The following CSMD1 variants were observed in gnomAD, a reference collection of about 807,000 sequenced individuals.
The protein encoded by CSMD1 is CUB and Sushi multiple domains 1, also known as CUB and sushi domain-containing protein 1.
CSMD1 carries 213 observed loss-of-function variants against 417.5 expected under a neutral mutation model. The ratio of observed to expected loss-of-function variants is 0.51; its 90% CI spans 0.46 to 0.57. CSMD1 has a LOEUF of 0.57. CSMD1 is among the 20% of genes least tolerant of loss of function. CSMD1 has a pLI of 0.00. For missense variants in CSMD1, 6,923 were observed against 4,529.7 expected (o/e 1.53, Z -15.17); for synonymous variants, 2,862 against 1,736.8 (o/e 1.65, Z -16.11).
chr8:3,505,460 G>A (rs764198088), intron 10 of CSMD1, among the ~76,000 whole-genome samples: 3 of 152,116 alleles, frequency 2.0e-5, no homozygotes, highest in African/African-American at 4.8e-5. Flanking sequence ...ACACTTTCAC[G>A]ACTGATTAAA....
intron 3 of CSMD1, among the ~76,000 whole-genome samples, chr8:4,041,923 A>G (rs1324830929): frequency 6.6e-6 from 1 of 152,204 alleles, no homozygotes; most frequent in Non-Finnish European, 1.5e-5. Context: ...AACATTAATG[A>G]ACATGTAGAG....
chr8:4,190,650 G>C (rs1452335665), intron 3 of CSMD1, among the ~76,000 whole-genome samples: 1 of 151,770 alleles, frequency 6.6e-6, no homozygotes, highest in Non-Finnish European at 1.5e-5. Context: ...GTTGTAATGA[G>C]ACTGAAATCT....
chr8:4,468,498 G>A (rs996007009), intron 2 of CSMD1, among the ~76,000 whole-genome samples: 2 of 152,150 alleles, frequency 1.3e-5, no homozygotes, highest in Admixed American at 6.5e-5. Context: ...CTTATCCTCT[G>A]AACATGTACT....
chr8:4,696,843 G>C (rs1807165398), intron 1 of CSMD1, among the ~76,000 whole-genome samples: 1 of 152,182 alleles, frequency 6.6e-6, no homozygotes, highest in Admixed American at 6.5e-5. Context: ...CAAAATGTAA[G>C]TAGTGACAGA....
chr8:4,270,886 C>T (rs904184046), intron 3 of CSMD1, among the ~76,000 whole-genome samples: 1 of 152,152 alleles, frequency 6.6e-6, no homozygotes, highest in Non-Finnish European at 1.5e-5. Flanking sequence ...GACCTCATTC[C>T]TTCAACAAAC....
At chr8:4,504,263 G>T (rs1802408026) in intron 2 of CSMD1, among the ~76,000 whole-genome samples, 1 of 152,168 alleles carries the variant, frequency 6.6e-6, no homozygotes, top group South Asian at 2.1e-4. Flanking sequence ...CATTTCCATG[G>T]GGAATCTACA....
At chr8:3,102,540 GTTGA>G (rs1815831621) in intron 46 of CSMD1, among the ~76,000 whole-genome samples, 1 of 152,174 alleles carries the variant, frequency 6.6e-6, no homozygotes, top group Non-Finnish European at 1.5e-5. Context: ...CTCATGTTGT[GTTGA>G]TTTAGACATG....
chr8:4,136,717 C>G (rs1803459057), intron 3 of CSMD1, among the ~76,000 whole-genome samples: 2 of 152,148 alleles, frequency 1.3e-5, no homozygotes, highest in African/African-American at 4.8e-5. Flanking sequence ...TCTTATGTAG[C>G]CATCAAGCCA....
In CSMD1 at chr8:3,575,000, T is replaced by G. The variant is rs780824214; in HGVS notation, c.1289A>C (p.Gln430Pro). 6.2e-7 allele frequency: 1 copy of G among 1,613,402 alleles called. No homozygotes were observed. Among genetic ancestry groups the G allele is most frequent in the Admixed American group, 1.7e-5 (1 of 60,024 alleles). Residue 430 changes from glutamine to proline, a missense_variant, in exon 10 of 70, where the codon CAG (glutamine) becomes CCG (proline). Coordinates refer to ENST00000635120, the MANE Select transcript of CSMD1 (RefSeq NM_033225.6). Reference protein sequence around the residue: ...GVITSPNYPVQYEDNAHCVWV... With the variant: ...GVITSPNYPVPYEDNAHCVWV... Reference sequence around the variant, plus strand: ...CACACAGTGTGCATTATCTTCATACTGAACCGGATAATTAGGGGAGGTAAT... The same window carrying G: ...CACACAGTGTGCATTATCTTCATACGGAACCGGATAATTAGGGGAGGTAAT...
intron 6 of CSMD1, among the ~76,000 whole-genome samples, chr8:3,741,718 G>A (rs539421825): frequency 5.3e-5 from 8 of 152,114 alleles, no homozygotes; most frequent in East Asian, 2.0e-4. Flanking sequence ...CTCTGAGTGC[G>A]CATTCTTACT....
At chr8:3,799,749 C>G (rs922740) in intron 5 of CSMD1, among the ~76,000 whole-genome samples, 1 of 151,646 alleles carries the variant, frequency 6.6e-6, no homozygotes, top group Non-Finnish European at 1.5e-5. Context: ...ATAAGCTGTA[C>G]AAAACTTTAC....
chr8:4,751,113 A>T (rs1462794587), intron 1 of CSMD1, among the ~76,000 whole-genome samples: 1 of 152,178 alleles, frequency 6.6e-6, no homozygotes, highest in Non-Finnish European at 1.5e-5. Context: ...GCCTGGGAGC[A>T]GTGGCTCAGG....
chr8:3,320,212 C>G (rs1398784373), intron 23 of CSMD1, among the ~76,000 whole-genome samples: 1 of 152,100 alleles, frequency 6.6e-6, no homozygotes, highest in African/African-American at 2.4e-5. Flanking sequence ...CAGTGGGGCC[C>G]GTGGCCCTGG....
chr8:3,450,708 CT>C (rs1815649768), intron 12 of CSMD1, among the ~76,000 whole-genome samples: 1 of 152,064 alleles, frequency 6.6e-6, no homozygotes, highest in African/African-American at 2.4e-5. Context: ...TTAATCCAGT[CT>C]ATCATTGTTG....
chr8:4,436,079 A>G (rs929951779), intron 2 of CSMD1, among the ~76,000 whole-genome samples: 1 of 152,204 alleles, frequency 6.6e-6, no homozygotes, highest in Non-Finnish European at 1.5e-5. Context: ...CCAAGTTTCA[A>G]GAATAAAACC....
At chr8:4,298,829 A>G (rs1269228041) in intron 3 of CSMD1, among the ~76,000 whole-genome samples, 1 of 152,072 alleles carries the variant, frequency 6.6e-6, no homozygotes, top group Non-Finnish European at 1.5e-5. Flanking sequence ...AACTTAAAGT[A>G]TAATAAAAAA....
At chr8:3,512,637 T>C (rs1797125189) in intron 10 of CSMD1, among the ~76,000 whole-genome samples, 1 of 150,914 alleles carries the variant, frequency 6.6e-6, no homozygotes, top group African/African-American at 2.4e-5. Context: ...AGTCTTGCTT[T>C]GTCGCCAGGC....
In CSMD1 at chr8:3,284,315, C is replaced by G; in HGVS notation, c.3982G>C (p.Ala1328Pro). ...TCCCAGACCTTGAGGATGTCGTGAG[C>G]CATCTCCGTGTCGAAAACAATGAAA... ...LHFIVFDTEM[A>P]HDILKVWDGP... Residue 1328 changes from alanine to proline, a missense_variant, in exon 26 of 70, where the codon GCT (alanine) becomes CCT (proline). By Grantham distance (27) the Ala-to-Pro change is conservative (BLOSUM62 -1). Coordinates refer to ENST00000635120, the MANE Select transcript of CSMD1 (RefSeq NM_033225.6). 1 of 1,613,868 alleles carries G rather than the reference C, an allele frequency of 6.2e-7. No homozygotes were observed. Among genetic ancestry groups the G allele is most frequent in the Non-Finnish European group, 8.5e-7 (1 of 1,179,854 alleles).
intron 49 of CSMD1, among the ~76,000 whole-genome samples, chr8:3,066,820 C>T (rs1488755847): frequency 1.3e-5 from 2 of 152,100 alleles, no homozygotes; most frequent in African/African-American, 4.8e-5. Flanking sequence ...CTCATTTCTC[C>T]ACAATTCCTC....
Sources: gnomAD v4.1 joint callset for allele counts (sites outside exome capture counted in the v4.1 genomes callset) on GRCh38, gnomAD v4.1.1 for gene constraint, MANE v1.5 for transcripts, NCBI Gene and HGNC (gene_info 2026-07-23, HGNC 2026-07-21) for gene names.